Variants in DNAH3 observed in about 807,000 individuals in gnomAD.
DNAH3 encodes the protein dynein axonemal heavy chain 3.
DNAH3 carries 332 observed loss-of-function variants against 432.5 expected under a neutral mutation model. That is an observed-to-expected ratio of 0.77 (90% CI 0.70 to 0.84). DNAH3 has a LOEUF of 0.84. DNAH3 is among the 40% of genes least tolerant of loss of function. DNAH3 has a pLI of 0.00. For synonymous variants in DNAH3, 1,956 were observed against 1,900.2 expected (o/e 1.03, Z -0.76); for missense variants, 4,861 against 5,114.0 (o/e 0.95, Z 1.51).
At position 21,067,146 on chromosome 16, in the gene DNAH3, A is replaced by C. The variant is rs76363181; in HGVS notation, c.3518+137T>G. On this transcript the variant is annotated intron_variant, in intron 24 of 61. Transcript: ENST00000261383. ...TGGTGAAGCCATGCCCCATTCCTGA[A>C]AACTGTCTTGGAGAATGGAAAACCA... The C allele has an allele frequency of 3.3e-3, 3,235 of 970,072 alleles. 63 individuals carry two copies. The African/African-American group carries it at 0.044, about 13-fold the overall frequency. 60.1% of individuals were successfully genotyped at this position (970,072 alleles called of 1,614,324 possible).
At chr16:21,153,739 G>T (rs540653694) in intron 1 of DNAH3, among the ~76,000 whole-genome samples, 1 of 151,992 alleles carries the variant, frequency 6.6e-6, no homozygotes, top group African/African-American at 2.4e-5. Flanking sequence ...AACTCCAGAC[G>T]CGCTACCTTA....
chr16:20,935,342 C>T lies in DNAH3; in HGVS notation c.11997+6G>A, dbSNP rs2301618. 2,832 of 1,613,896 alleles carry T rather than the reference C, an allele frequency of 1.8e-3. 63 individuals carry two copies. In the East Asian group the frequency reaches 0.041, roughly 23 times the overall value. ...CTTGAGTGAGCCTAACCCAAAGCAC[C>T]CCTACCTCAAACTCAAATCCAATGT... On this transcript the variant is annotated splice_donor_region_variant and intron_variant, in intron 61 of 61. Coordinates refer to ENST00000261383, the Ensembl canonical transcript of DNAH3.
chr16:21,082,777 G>A (rs1226565539), intron 19 of DNAH3, among the ~76,000 whole-genome samples: 8 of 150,898 alleles, frequency 5.3e-5, no homozygotes, highest in East Asian at 4.0e-4. Context: ...GGAATCAGCC[G>A]AGATCGCACC....
chr16:20,943,686 TAAC>T (rs1331527322), intron 58 of DNAH3, among the ~76,000 whole-genome samples: 3 of 152,166 alleles, frequency 2.0e-5, no homozygotes, highest in Admixed American at 6.6e-5. Flanking sequence ...GGGAAGAACT[TAAC>T]AACTGTTAAC....
rs1347759205 is a variant in DNAH3, at chr16:20,939,445, C to T, written c.11654+1956G>A. ...TGGCCAACATGGCGAAATCCTGTCTCTACTAAAAGTACAGAAATTAGCTGG... is the reference window on the plus strand; with the variant it reads ...TGGCCAACATGGCGAAATCCTGTCTTTACTAAAAGTACAGAAATTAGCTGG... On this transcript the variant is annotated intron_variant, in intron 59 of 61. Coordinates refer to ENST00000261383, the Ensembl canonical transcript of DNAH3. Among the ~76,000 whole-genome samples the T allele has an allele frequency of 4.6e-5, 7 of 152,210 alleles. No individual in the cohort carries two copies. In the East Asian group the frequency reaches 1.4e-3, roughly 29 times the overall value.
chr16:20,972,857 T>G (rs1164338126), intron 51 of DNAH3, among the ~76,000 whole-genome samples: 1 of 147,318 alleles, frequency 6.8e-6, no homozygotes, highest in East Asian at 2.1e-4. Context: ...GCCTCCTGAA[T>G]AGCTGGGATT....
chr16:20,985,349 C>T (rs755459778), exon 48 of DNAH3: 10 of 1,614,074 alleles, frequency 6.2e-6, no homozygotes, highest in Admixed American at 1.7e-5. Context: ...TCATTGCCTG[C>T]GTAGTTCTTG....
intron 42 of DNAH3, among the ~76,000 whole-genome samples, chr16:21,002,441 GTTGTTATTATTATTA>G (rs1254849758): frequency 7.6e-5 from 7 of 92,592 alleles, no homozygotes; most frequent in African/African-American, 1.4e-4. Context: ...ACTATCTGGT[GTTGTTATTATTATTA>G]TTATTATTAT....
At chr16:21,096,650 T>C (rs1456281464) in intron 18 of DNAH3, among the ~76,000 whole-genome samples, 1 of 152,174 alleles carries the variant, frequency 6.6e-6, no homozygotes, top group Non-Finnish European at 1.5e-5. Context: ...TGATGGGTTT[T>C]TTTTTATTTG....
chr16:20,987,962 C>T, exon 45 of DNAH3: 3 of 1,614,164 alleles, frequency 1.9e-6, no homozygotes, highest in Non-Finnish European at 2.5e-6. Flanking sequence ...TCACATCAAA[C>T]CCTTTCCCGA....
intron 39 of DNAH3, 34 bp downstream of exon 39, chr16:21,024,562 G>A (rs2088436803): frequency 1.3e-6 from 2 of 1,487,580 alleles, no homozygotes; most frequent in South Asian, 1.2e-5. Flanking sequence ...CAGGGAGACA[G>A]CAGGAGGGGA....
At chr16:21,062,230 C>T (rs1018380034) in intron 25 of DNAH3, among the ~76,000 whole-genome samples, 1 of 152,262 alleles carries the variant, frequency 6.6e-6, no homozygotes, top group African/African-American at 2.4e-5. Context: ...GCAATTGACT[C>T]CACATCGAGT....
chr16:20,980,860 GATA>G (rs2152660103), intron 49 of DNAH3, among the ~76,000 whole-genome samples: 1 of 152,308 alleles, frequency 6.6e-6, no homozygotes, highest in East Asian at 1.9e-4. Flanking sequence ...GAAAGGGTCA[GATA>G]ATAAATATTT....
chr16:21,086,824 G>A lies in DNAH3; in HGVS notation c.2877+25C>T, dbSNP rs780055007. On this transcript the variant is annotated intron_variant, in intron 19 of 61. Coordinates refer to ENST00000261383, the Ensembl canonical transcript of DNAH3. ...GGCCAGGCCTGGGCTGCGCTGCTTGGGGGCGGGCAGTGATTGATAGAAACC... is the reference window on the plus strand; with the variant it reads ...GGCCAGGCCTGGGCTGCGCTGCTTGAGGGCGGGCAGTGATTGATAGAAACC... The A allele has an allele frequency of 4.4e-6, 7 of 1,607,960 alleles. No homozygotes were observed. The Admixed American group carries it at 1.2e-4, about 27-fold the overall frequency.
In DNAH3 at chr16:21,106,597, A is replaced by G. The variant is rs375762229; in HGVS notation, c.2177T>C (p.Ile726Thr). The G allele has an allele frequency of 1.8e-5, 29 of 1,611,250 alleles. No individual in the cohort carries two copies. The highest frequency in any genetic ancestry group is 1.2e-4 in the African/African-American group (9 of 74,882). Reference sequence around the variant, plus strand: ...AGCACTGGATTTCTTTAGGAATTCAATGAGGGATACCAGCTCCTTAGTGTT... The same window carrying G: ...AGCACTGGATTTCTTTAGGAATTCAGTGAGGGATACCAGCTCCTTAGTGTT... Residue 726 changes from isoleucine (I) to threonine (T), a missense_variant, in exon 15 of 62, where the codon ATT becomes ACT. Physicochemically the swap from Ile to Thr is moderately conservative, Grantham distance 89. Coordinates refer to ENST00000261383, the Ensembl canonical transcript of DNAH3.
intron 27 of DNAH3, among the ~76,000 whole-genome samples, chr16:21,056,124 A>G (rs1469034832): frequency 6.6e-6 from 1 of 151,438 alleles, no homozygotes; most frequent in Non-Finnish European, 1.5e-5. Flanking sequence ...TTCTCCCCAC[A>G]TCTCTCCTAC....
At chr16:21,138,312 CCAA>C (rs1466760065) in intron 5 of DNAH3, among the ~76,000 whole-genome samples, 2 of 151,828 alleles carry the variant, frequency 1.3e-5, no homozygotes, top group Non-Finnish European at 1.5e-5. Context: ...TCGCCTCTCT[CCAA>C]CGTTAGTAAA....
intron 1 of DNAH3, among the ~76,000 whole-genome samples, chr16:21,154,083 A>G (rs1157400957): frequency 1.3e-5 from 2 of 152,172 alleles, no homozygotes; most frequent in African/African-American, 2.4e-5. Context: ...CCCACCAAAA[A>G]CAGCAACTGT....
At chr16:20,956,879 G>A (rs780038620) in intron 54 of DNAH3, among the ~76,000 whole-genome samples, 9 of 151,836 alleles carry the variant, frequency 5.9e-5, no homozygotes, top group Non-Finnish European at 8.8e-5. Flanking sequence ...ATGCACCACC[G>A]CACCTGGCTA....
Sources: allele counts gnomAD v4.1 joint callset (sites outside exome capture counted in the v4.1 genomes callset), GRCh38; gene constraint gnomAD v4.1.1; transcripts MANE v1.5; gene names NCBI Gene and HGNC (gene_info 2026-07-23, HGNC 2026-07-21).